The following ANKRD1 variants were observed in gnomAD, a reference collection of about 807,000 sequenced individuals.
ANKRD1 encodes the protein ankyrin repeat domain 1, also known as ankyrin repeat domain-containing protein 1.
A neutral mutation model predicts 40.1 loss-of-function variants in ANKRD1; 32 were observed. The ratio of observed to expected loss-of-function variants is 0.80; its 90% confidence interval spans 0.60 to 1.07. The LOEUF (loss-of-function observed/expected upper bound fraction) is 1.07. Among genes scored for constraint, ANKRD1 ranks in the 50% least tolerant of loss-of-function variants. The probability of loss-of-function intolerance (pLI) is 0.00; values close to 1 mark genes in which losing one functional copy is unlikely to be tolerated. For synonymous variants in ANKRD1, 149 were observed against 141.2 expected (o/e 1.06, Z -0.39); for missense variants, 359 against 386.0 (o/e 0.93, Z 0.59).
chr10:90,913,060 AGGATTAGGTAT>A, intron 8 of ANKRD1, 84 bp from the exon 9 acceptor site: 1 of 1,226,146 alleles, frequency 8.2e-7, no homozygotes, highest in South Asian at 1.2e-5. Context: ...TCATGAGGTA[AGGATTAGGTAT>A]ATGTTATAAC....
chr10:90,913,911 C>T (rs949955168), intron 8 of ANKRD1, among the ~76,000 whole-genome samples: 14 of 152,144 alleles, frequency 9.2e-5, no homozygotes, highest in African/African-American at 3.4e-4. Context: ...GCAACATAGA[C>T]TGGGTTGGGG....
At chr10:90,917,118 A>C (rs570529922) in intron 5 of ANKRD1, among the ~76,000 whole-genome samples, 2 of 152,146 alleles carry the variant, frequency 1.3e-5, no homozygotes, top group South Asian at 4.1e-4. Context: ...GATTTCTTTG[A>C]TATCCCGTTG....
Position 90,921,042 on chromosome 10 carries a change from T to A in ANKRD1, c.-15A>T. 1 of 1,613,676 alleles carries A rather than the reference T, an allele frequency of 6.2e-7. No homozygotes were observed. On this transcript the variant is annotated 5_prime_UTR_variant, in exon 1 of 9. Transcript: ENST00000371697. ...AGTACCATCATGTTGGCTGAAGGAG[T>A]CTTGTATGTTTTTCTGTCGTGGAAG...
chr10:90,917,926 A>G, intron 4 of ANKRD1, 96 bp from the exon 5 acceptor site: 1 of 916,856 alleles, frequency 1.1e-6, no homozygotes, highest in South Asian at 1.4e-5. Flanking sequence ...CTGATGACCT[A>G]ACTGATAGAA....
At position 90,918,847 on chromosome 10, in the gene ANKRD1, G is replaced by A; in HGVS notation, c.453+18C>T. On this transcript the variant is annotated intron_variant, in intron 4 of 8. Coordinates refer to ENST00000371697, the MANE Select transcript of ANKRD1 (RefSeq NM_014391.3). ...AAATTAATGAGCTGGATTTTGCAGTGCTTTGCATGAGTCTTACCTCATCAC... is the reference window on the plus strand; with the variant it reads ...AAATTAATGAGCTGGATTTTGCAGTACTTTGCATGAGTCTTACCTCATCAC... 6.4e-7 allele frequency: 1 copy of A among 1,564,482 alleles called. No individual in the cohort carries two copies. Among genetic ancestry groups the A allele is most frequent in the South Asian group, 1.1e-5 (1 of 89,980 alleles).
rs1467816750 is a variant in ANKRD1, at chr10:90,912,676, AAAAT to A, written c.*186_*189del. 2.8e-5 allele frequency: 16 copies of A among 575,682 alleles called. No individual in the cohort carries two copies. The highest frequency in any genetic ancestry group is 5.8e-5 in the South Asian group (3 of 51,572). The allele number at this position is 575,682 out of a possible 1,614,324, so 35.7% of individuals were successfully genotyped here. On this transcript the variant is annotated 3_prime_UTR_variant, in exon 9 of 9. Transcript: ENST00000371697. ...GTAAATAAATAAACAGGAATACATAAAAATAAATAAGAGTTTCACTAAAGGAAAT... is the reference window on the plus strand; with the variant it reads ...GTAAATAAATAAACAGGAATACATAAAAATAAGAGTTTCACTAAAGGAAAT...
chr10:90,914,761 A>C (rs972742105), intron 8 of ANKRD1, among the ~76,000 whole-genome samples: 17 of 125,586 alleles, frequency 1.4e-4, no homozygotes, highest in African/African-American at 4.7e-4. Context: ...ATTCTTCAAA[A>C]GCTTCTTTAA....
At chr10:90,917,435 A>AAAG (rs1253222513) in intron 5 of ANKRD1, among the ~76,000 whole-genome samples, 38 of 152,240 alleles carry the variant, frequency 2.5e-4, no homozygotes, top group Admixed American at 2.5e-3. Flanking sequence ...AAGGCTGTTG[A>AAAG]AAGGCAAGTG....
chr10:90,915,516 G>T, intron 8 of ANKRD1, 27 bp downstream of exon 8: 2 of 1,590,732 alleles, frequency 1.3e-6, no homozygotes, highest in Non-Finnish European at 8.6e-7. Flanking sequence ...AAGCTTGCAA[G>T]CGGTGTTTCT....
rs956776066 is a variant in ANKRD1, at chr10:90,912,771, A to G, written c.*95T>C. On this transcript the variant is annotated 3_prime_UTR_variant, in exon 9 of 9. Coordinates refer to ENST00000371697, the MANE Select transcript of ANKRD1 (RefSeq NM_014391.3). ...GGTACATCTTCACAACACGTTGATA[A>G]ATAGAAACTAGATTTTATGGCTAGT... 1 of 1,170,804 alleles carries G rather than the reference A, an allele frequency of 8.5e-7. No individual in the cohort carries two copies. The highest frequency in any genetic ancestry group is 1.3e-6 in the Non-Finnish European group (1 of 777,664). 72.5% of individuals were successfully genotyped at this position (1,170,804 alleles called of 1,614,324 possible).
rs1847328783 is a variant in ANKRD1, at chr10:90,912,701, G to A, written c.*165C>T. On this transcript the variant is annotated 3_prime_UTR_variant, in exon 9 of 9. Transcript: ENST00000371697. Reference sequence around the variant, plus strand: ...AAAATAAATAAGAGTTTCACTAAAGGAAATTTAAACACCTATAACCCTGTG... The same window carrying A: ...AAAATAAATAAGAGTTTCACTAAAGAAAATTTAAACACCTATAACCCTGTG... 1 of 659,860 alleles carries A rather than the reference G, an allele frequency of 1.5e-6. No homozygotes were observed. The highest frequency in any genetic ancestry group is 2.7e-6 in the Non-Finnish European group (1 of 372,200). The allele number at this position is 659,860 out of a possible 1,614,324, so 40.9% of individuals were successfully genotyped here. A position where few individuals can be genotyped will look rare whatever the true frequency, so the allele number is the denominator to read the frequency against.
Position 90,916,283 on chromosome 10 carries a change from G to A in ANKRD1, c.553-14C>T. The stretch of plus-strand genomic sequence containing the variant: ...TGTGGATTCAAGCTATACCGGGAGG[G>A]AAGACCCGACAATGTGAAGGAGAAT... On this transcript the variant is annotated splice_polypyrimidine_tract_variant and intron_variant, in intron 5 of 8. Transcript: ENST00000371697. 1 of 1,593,668 alleles carries A rather than the reference G, an allele frequency of 6.3e-7. No homozygotes were observed. The highest frequency in any genetic ancestry group is 8.6e-7 in the Non-Finnish European group (1 of 1,161,482).
rs752256385 is a variant in ANKRD1, at chr10:90,915,532, C to A, written c.849+11G>T. On this transcript the variant is annotated intron_variant, in intron 8 of 8. Transcript: ENST00000371697. ...AGCTTGCAAGCGGTGTTTCTTGTTT[C>A]CAGTACTTACACAGTTCTTGATGTT... 1.9e-6 allele frequency: 3 copies of A among 1,607,424 alleles called. No individual in the cohort carries two copies. The highest frequency in any genetic ancestry group is 2.6e-6 in the Non-Finnish European group (3 of 1,175,414).
intron 8 of ANKRD1, 26 bp downstream of exon 8, chr10:90,915,517 C>A: frequency 6.3e-7 from 1 of 1,596,330 alleles, no homozygotes; most frequent in Non-Finnish European, 8.6e-7. Flanking sequence ...AGCTTGCAAG[C>A]GGTGTTTCTT....
In ANKRD1 at chr10:90,912,834, A is replaced by C; in HGVS notation, c.*32T>G. On this transcript the variant is annotated 3_prime_UTR_variant, in exon 9 of 9. Coordinates refer to ENST00000371697, the MANE Select transcript of ANKRD1 (RefSeq NM_014391.3). ...GGGCCATGCCTTCAAAATGCCAGTGAACATTTACTGATTAAGAGTCTGTCG... is the reference window on the plus strand; with the variant it reads ...GGGCCATGCCTTCAAAATGCCAGTGCACATTTACTGATTAAGAGTCTGTCG... 1 of 1,591,874 alleles carries C rather than the reference A, an allele frequency of 6.3e-7. No individual in the cohort carries two copies. Among genetic ancestry groups the C allele is most frequent in the Non-Finnish European group, 8.6e-7 (1 of 1,159,882 alleles).
chr10:90,915,488 A>G (rs1395074812), intron 8 of ANKRD1, 55 bp downstream of exon 8: 3 of 1,514,954 alleles, frequency 2.0e-6, no homozygotes, highest in Admixed American at 1.7e-5. Flanking sequence ...TATTTAAGAA[A>G]TGCTCCTGGA....
At chr10:90,917,271 A>G (rs996138646) in intron 5 of ANKRD1, among the ~76,000 whole-genome samples, 1 of 152,222 alleles carries the variant, frequency 6.6e-6, no homozygotes, top group African/African-American at 2.4e-5. Context: ...AATAGCAGCT[A>G]CTTTCCATAG....
At chr10:90,920,496 A>T (rs1847425840) in intron 1 of ANKRD1, 148 bp from the exon 2 acceptor site, 3 of 822,226 alleles carry the variant, frequency 3.6e-6, no homozygotes, top group Non-Finnish European at 6.2e-6. Flanking sequence ...GCTGCGATGC[A>T]CACTGCTACA....
At chr10:90,914,819 T>A (rs1847353403) in intron 8 of ANKRD1, among the ~76,000 whole-genome samples, 1 of 151,584 alleles carries the variant, frequency 6.6e-6, no homozygotes, top group Non-Finnish European at 1.5e-5. Flanking sequence ...CAATATTTTT[T>A]AAGCTTATAT....
Sources: allele counts gnomAD v4.1 joint callset (sites outside exome capture counted in the v4.1 genomes callset), GRCh38; gene constraint gnomAD v4.1.1; transcripts MANE v1.5; gene names NCBI Gene and HGNC (gene_info 2026-07-23, HGNC 2026-07-21).